Variants in ABCA5 observed in about 807,000 individuals in gnomAD.
The protein encoded by ABCA5 is cholesterol transporter ABCA5.
In ABCA5, 163 loss-of-function variants were observed where a neutral mutation model predicts 206.0. The observed-to-expected ratio is 0.79, with a 90% CI of 0.70 to 0.90. The LOEUF is 0.90. ABCA5 is among the 40% of genes least tolerant of loss of function. The pLI is 0.00. For synonymous variants in ABCA5, 609 were observed against 613.8 expected (o/e 0.99, Z 0.11); for missense variants, 1,859 against 1,912.9 (o/e 0.97, Z 0.53).
chr17:69,269,663 A>C (rs1459569495), intron 22 of ABCA5, among the ~76,000 whole-genome samples: 1 of 152,212 alleles, frequency 6.6e-6, no homozygotes, highest in Non-Finnish European at 1.5e-5. Flanking sequence ...CAACTGATGA[A>C]CAGATAAGTA....
intron 29 of ABCA5, 32 bp from the exon 30 acceptor site, chr17:69,255,882 T>G: frequency 6.8e-7 from 1 of 1,479,340 alleles, no homozygotes; most frequent in African/African-American, 1.4e-5. Flanking sequence ...AAAAAGAAAG[T>G]TATAAAACTT....
intron 9 of ABCA5, among the ~76,000 whole-genome samples, chr17:69,299,471 T>TACACACACACACACACACACACACACAC (rs71144671): frequency 9.1e-5 from 13 of 142,330 alleles, no homozygotes; most frequent in East Asian, 4.1e-4. Flanking sequence ...CACACACACA[T>TACACACACACACACACACACACACACAC]ACACACACAC....
chr17:69,252,077 T>C (rs1038973541), intron 34 of ABCA5, among the ~76,000 whole-genome samples: 7 of 150,814 alleles, frequency 4.6e-5, no homozygotes, highest in Non-Finnish European at 1.0e-4. Context: ...AGTGGCCCGA[T>C]CTCGGCTCAC....
At chr17:69,254,841 T>C (rs947524478) in intron 31 of ABCA5, among the ~76,000 whole-genome samples, 3 of 152,084 alleles carry the variant, frequency 2.0e-5, no homozygotes, top group African/African-American at 2.4e-5. Flanking sequence ...TTACTCCTTT[T>C]TGATGTTTGA....
At chr17:69,261,365 A>T (rs1193450908) in intron 25 of ABCA5, 106 bp from the exon 26 acceptor site, 17 of 1,062,400 alleles carry the variant, frequency 1.6e-5, no homozygotes, top group Non-Finnish European at 2.3e-5. Context: ...TAAAACATGG[A>T]ACAAGAGATG....
intron 10 of ABCA5, 29 bp from the exon 11 acceptor site, chr17:69,294,742 A>G (rs755170418): frequency 6.9e-7 from 1 of 1,439,404 alleles, no homozygotes; most frequent in South Asian, 1.2e-5. Flanking sequence ...TATTTTAAGT[A>G]TTTAAAGCAA....
chr17:69,289,723 C>A (rs2082884334), intron 13 of ABCA5, 139 bp downstream of exon 13: 4 of 701,940 alleles, frequency 5.7e-6, no homozygotes, highest in Non-Finnish European at 8.9e-6. Flanking sequence ...CTGTCTAATT[C>A]TTTGTAATAG....
chr17:69,271,162 C>T lies in ABCA5; in HGVS notation c.2892G>A (p.Lys964=). ...TATTCATTCACTGCATTCATCTTAC[C>T]TTTTCTGAATGCATCACATTTAAAG... ...SAALNVMHSE[K]DYVFAAVFNS... The change falls in exon 21 of 39, where the codon AAG becomes AAA. Residue 964 remains lysine, a splice_region_variant and synonymous_variant. Transcript: ENST00000392676. The T allele has an allele frequency of 6.2e-7, 1 of 1,608,886 alleles. No individual in the cohort carries two copies. Among genetic ancestry groups the T allele is most frequent in the Non-Finnish European group, 8.5e-7 (1 of 1,178,626 alleles).
intron 29 of ABCA5, 83 bp downstream of exon 29, chr17:69,256,074 A>C (rs920881101): frequency 5.5e-6 from 8 of 1,446,934 alleles, no homozygotes; most frequent in Non-Finnish European, 6.4e-6. Flanking sequence ...TATGCAAAGA[A>C]AAATATTTTT....
Position 69,289,272 on chromosome 17 carries a change from C to T in ABCA5, c.1807G>A (p.Asp603Asn), listed in dbSNP as rs765526099. ...QEVQKVLLDL[D>N]MQTIKDNQAK... is the part of the protein sequence containing the mutation. ...TGGTTATCTTTGATAGTCTGCATGTCTAAATCTAGTAAAACCTTCTGCACC... is the reference window on the plus strand; with the variant it reads ...TGGTTATCTTTGATAGTCTGCATGTTTAAATCTAGTAAAACCTTCTGCACC... The change falls in exon 14 of 39, where the codon GAC (aspartate) becomes AAC (asparagine). Residue 603 changes from aspartate (D) to asparagine (N), a missense_variant. Coordinates refer to ENST00000392676, the MANE Select transcript of ABCA5 (RefSeq NM_172232.4). 1.4e-5 allele frequency: 23 copies of T among 1,596,984 alleles called. No individual in the cohort carries two copies. The East Asian group carries it at 3.0e-4, about 21-fold the overall frequency.
At chr17:69,298,315 A>AAGGAAGGAAGGAAGGAAGGAAGG (rs2075612396) in intron 9 of ABCA5, among the ~76,000 whole-genome samples, 1 of 17,848 alleles carries the variant, frequency 5.6e-5, no homozygotes, top group African/African-American at 1.0e-4. Flanking sequence ...AAAGAGAGAG[A>AAGGAAGGAAGGAAGGAAGGAAGG]GAGGAAGGAA....
At chr17:69,282,627 G>T (rs2075407209) in intron 18 of ABCA5, among the ~76,000 whole-genome samples, 1 of 149,436 alleles carries the variant, frequency 6.7e-6, no homozygotes, top group African/African-American at 2.5e-5. Context: ...CAACTAGCTG[G>T]GCGTGGTGGT....
Position 69,268,038 on chromosome 17 carries a change from A to G in ABCA5, c.3049T>C (p.Phe1017Leu). The G allele has an allele frequency of 1.3e-6, 2 of 1,584,484 alleles. No individual in the cohort carries two copies. The highest frequency in any genetic ancestry group is 1.7e-6 in the Non-Finnish European group (2 of 1,154,356). The change falls in exon 23 of 39, where the codon TTT becomes CTT. Residue 1017 changes from phenylalanine (F) to leucine (L), a missense_variant. Transcript: ENST00000392676. Reference protein sequence around the residue: ...PFFQEITDIVFKIELYFQAAL... With the variant: ...PFFQEITDIVLKIELYFQAAL... ...GCTTGAAAATACAGCTCAATTTTAAAAACTATATCAGTAATTTCCTGAAAG... is the reference window on the plus strand; with the variant it reads ...GCTTGAAAATACAGCTCAATTTTAAGAACTATATCAGTAATTTCCTGAAAG...
Position 69,253,667 on chromosome 17 carries a change from A to G in ABCA5, c.4321T>C (p.Leu1441=). The change falls in exon 34 of 39, where the codon TTG becomes CTG. Residue 1441 remains leucine (L), a splice_region_variant and synonymous_variant. Coordinates refer to ENST00000392676, the MANE Select transcript of ABCA5 (RefSeq NM_172232.4). ...CCTAGCATACTTAGAGCAAAACACA[A>G]CTACATGGAAAGAAAAAGATGGGTG... ...KKLPAGIKRK[L]CFALSMLGNP... 1.2e-6 allele frequency: 2 copies of G among 1,612,810 alleles called. No individual in the cohort carries two copies. Among genetic ancestry groups the G allele is most frequent in the African/African-American group, 1.3e-5 (1 of 75,008 alleles).
In ABCA5 at chr17:69,285,990, A is replaced by G. The variant is rs113728302; in HGVS notation, c.2180T>C (p.Val727Ala). Residue 727 changes from valine to alanine, a missense_variant, in exon 17 of 39, where the codon GTT becomes GCT. Val to Ala is a moderately conservative substitution (Grantham distance 64). Transcript: ENST00000392676. ...AGTAGCTCCAGGTATATGTTGTTTA[A>G]CCAGTGAAGAAAGAGATTCTGTGGC... ...YCATESLSSL[V>A]KQHIPGATLL... The G allele has an allele frequency of 1.2e-6, 2 of 1,612,954 alleles. No homozygotes were observed. The highest frequency in any genetic ancestry group is 2.2e-5 in the East Asian group (1 of 44,796).
intron 10 of ABCA5, among the ~76,000 whole-genome samples, chr17:69,295,646 A>C (rs2075576949): frequency 6.6e-6 from 1 of 152,194 alleles, no homozygotes; most frequent in Admixed American, 6.5e-5. Flanking sequence ...CATTGGCATA[A>C]TGTAGGTCTG....
intron 26 of ABCA5, 38 bp from the exon 27 acceptor site, chr17:69,260,450 A>T: frequency 1.6e-6 from 2 of 1,277,050 alleles, no homozygotes; most frequent in Non-Finnish European, 2.2e-6. Flanking sequence ...ACGCTGCAAT[A>T]TGTAGAAATA....
chr17:69,289,514 T>C (rs1276022643), intron 13 of ABCA5, among the ~76,000 whole-genome samples: 1 of 152,124 alleles, frequency 6.6e-6, no homozygotes, highest in African/African-American at 2.4e-5. Context: ...GGTAACAAGA[T>C]TCTTGAGGGA....
At chr17:69,301,760 G>C (rs1383672320) in intron 8 of ABCA5, among the ~76,000 whole-genome samples, 3 of 152,146 alleles carry the variant, frequency 2.0e-5, no homozygotes, top group Admixed American at 2.0e-4. Context: ...GTAGATATTT[G>C]TGATAGCATG....
Sources: gnomAD v4.1 joint callset for allele counts (sites outside exome capture counted in the v4.1 genomes callset) on GRCh38, gnomAD v4.1.1 for gene constraint, MANE v1.5 for transcripts, NCBI Gene and HGNC (gene_info 2026-07-23, HGNC 2026-07-21) for gene names.